DPYSL5: variants seen among roughly 807,000 people sequenced by gnomAD.
DPYSL5 encodes the protein dihydropyrimidinase like 5.
DPYSL5 carries 9 observed loss-of-function variants against 58.4 expected under a neutral mutation model. The ratio of observed to expected loss-of-function variants is 0.15; its 90% CI spans 0.09 to 0.27. The LOEUF is 0.27. Ranked by LOEUF, DPYSL5 falls within the 10% of genes least tolerant of loss-of-function variation. The pLI is 1.00. For missense variants in DPYSL5, 499 were observed against 770.6 expected (o/e 0.65, Z 4.17); for synonymous variants, 293 against 301.9 (o/e 0.97, Z 0.31).
rs576846441 is a variant in DPYSL5, at chr2:26,942,247, C to T, written c.1232+155C>T. On this transcript the variant is annotated intron_variant, in intron 10 of 12. Coordinates refer to ENST00000288699, the MANE Select transcript of DPYSL5 (RefSeq NM_020134.4). The surrounding 1 kb of genome is among the most constrained non-coding windows in gnomAD (Gnocchi z 5.9). ...GCCATCTTCTCCCTCCATCTTCACA[C>T]AGTCTTTCTTCCGTGTCACACATGT... is the stretch of plus-strand genomic sequence containing the variant. 6.0e-4 allele frequency among the ~76,000 whole-genome samples: 91 copies of T among 152,348 alleles called. No homozygotes were observed. Among genetic ancestry groups the T allele is most frequent in the African/African-American group, 2.0e-3 (84 of 41,580 alleles).
chr2:26,881,109 C>T (rs900649004), intron 1 of DPYSL5, among the ~76,000 whole-genome samples: 1 of 152,182 alleles, frequency 6.6e-6, no homozygotes, highest in Admixed American at 6.5e-5. Flanking sequence ...CCTGGGAGGA[C>T]GTGCCCATAG....
In DPYSL5 at chr2:26,949,866, G is replaced by A. The variant is rs1665592678; in HGVS notation, c.*2871G>A. On this transcript the variant is annotated 3_prime_UTR_variant, in exon 13 of 13. Transcript: ENST00000288699. ...CACCAGCCCCACTGGCTCCTGGTTG[G>A]AACGAAAGGGTCTCTGGTTGCACTG... 1 of 152,584 alleles carries A rather than the reference G, an allele frequency of 6.6e-6. No individual in the cohort carries two copies. The highest frequency in any genetic ancestry group is 2.4e-5 in the African/African-American group (1 of 41,460). 9.5% of individuals were successfully genotyped at this position (152,584 alleles called of 1,614,324 possible).
rs115361866 is a variant in DPYSL5, at chr2:26,900,368, C to T, written c.261+1608C>T. Among the ~76,000 whole-genome samples, 1,018 of 152,310 alleles carry T rather than the reference C, an allele frequency of 6.7e-3. 11 individuals carry two copies. Among genetic ancestry groups the T allele is most frequent in the African/African-American group, 0.023 (961 of 41,552 alleles). On this transcript the variant is annotated intron_variant, in intron 2 of 12. Coordinates refer to ENST00000288699, the MANE Select transcript of DPYSL5 (RefSeq NM_020134.4). ...TTTTGTCTATGTAGATGAAATGAAGCAGTATGTACCTTCGCATTGGCTTCT... is the reference window on the plus strand; with the variant it reads ...TTTTGTCTATGTAGATGAAATGAAGTAGTATGTACCTTCGCATTGGCTTCT...
rs77168834 is a variant in DPYSL5, at chr2:26,875,584, G to A, written c.-4-22912G>A. 2.9e-4 allele frequency among the ~76,000 whole-genome samples: 44 copies of A among 152,338 alleles called. 1 individual carries two copies. In the East Asian group the frequency reaches 8.3e-3, roughly 29 times the overall value. ...TCCTGGGCCTGCCCTCAGCAACAGA[G>A]GAGTTGGAGCTTAGAGTCAGGGCTT... On this transcript the variant is annotated intron_variant, in intron 1 of 12. Transcript: ENST00000288699.
At position 26,949,233 on chromosome 2, in the gene DPYSL5, TTC is replaced by T. The variant is rs2148183304; in HGVS notation, c.*2240_*2241del. 1 of 152,330 alleles carries T rather than the reference TTC, an allele frequency of 6.6e-6. No homozygotes were observed. Among genetic ancestry groups the T allele is most frequent in the Admixed American group, 6.5e-5 (1 of 15,310 alleles). 9.4% of individuals were successfully genotyped at this position (152,330 alleles called of 1,614,324 possible). A position where few individuals can be genotyped will look rare whatever the true frequency, so the allele number is the denominator to read the frequency against. ...TTTCTTATAAACAACCTCATGCACA[TTC>T]TGTGTTTGAGCCAAGACTAGTCACC... On this transcript the variant is annotated 3_prime_UTR_variant, in exon 13 of 13. Transcript: ENST00000288699.
intron 9 of DPYSL5, among the ~76,000 whole-genome samples, chr2:26,941,595 C>A (rs1381961563): frequency 6.6e-6 from 1 of 152,180 alleles, no homozygotes; most frequent in Non-Finnish European, 1.5e-5. Context: ...GCATATATAA[C>A]CCTTTGAAAA....
intron 1 of DPYSL5, among the ~76,000 whole-genome samples, chr2:26,881,051 A>G (rs1282037900): frequency 6.6e-6 from 1 of 152,160 alleles, no homozygotes; most frequent in Non-Finnish European, 1.5e-5. Context: ...TCTTGAGATG[A>G]TGTGGTGCTG....
intron 2 of DPYSL5, among the ~76,000 whole-genome samples, chr2:26,922,083 C>T (rs1664719566): frequency 6.6e-6 from 1 of 152,194 alleles, no homozygotes; most frequent in African/African-American, 2.4e-5. Context: ...TGTGTCTACC[C>T]AGACCCCACT....
At chr2:26,864,489 C>A (rs1455811380) in intron 1 of DPYSL5, among the ~76,000 whole-genome samples, 1 of 152,224 alleles carries the variant, frequency 6.6e-6, no homozygotes, top group Non-Finnish European at 1.5e-5. Flanking sequence ...GCATCTGCCA[C>A]TAGCCAGGCA....
chr2:26,915,466 G>T lies in DPYSL5; in HGVS notation c.262-9421G>T, dbSNP rs191515894. On this transcript the variant is annotated intron_variant, in intron 2 of 12. Coordinates refer to ENST00000288699, the MANE Select transcript of DPYSL5 (RefSeq NM_020134.4). ...CCAAACCAAACTCAGCATGCCCTGG[G>T]ACCCCTTCCCATTCTGTGGCTGTGC... 4.9e-4 allele frequency among the ~76,000 whole-genome samples: 75 copies of T among 152,274 alleles called. 1 individual carries two copies. In the East Asian group the frequency reaches 0.012, roughly 24 times the overall value.
At chr2:26,918,097 C>A (rs1464048171) in intron 2 of DPYSL5, among the ~76,000 whole-genome samples, 1 of 136,802 alleles carries the variant, frequency 7.3e-6, no homozygotes, top group Non-Finnish European at 1.5e-5. Context: ...GATCATGCCA[C>A]TGCACTCCAG....
chr2:26,870,035 G>A (rs767996958), intron 1 of DPYSL5, among the ~76,000 whole-genome samples: 23 of 151,990 alleles, frequency 1.5e-4, no homozygotes, highest in Non-Finnish European at 2.9e-4. Context: ...AAAACATAAT[G>A]TATCTTCTTT....
chr2:26,897,068 T>G (rs1225744777), intron 1 of DPYSL5, among the ~76,000 whole-genome samples: 1 of 152,224 alleles, frequency 6.6e-6, no homozygotes, highest in Non-Finnish European at 1.5e-5. Context: ...AGATTTTTTT[T>G]GGTAGGTTTC....
chr2:26,901,967 C>T (rs1330447064), intron 2 of DPYSL5, among the ~76,000 whole-genome samples: 2 of 151,740 alleles, frequency 1.3e-5, no homozygotes, highest in Non-Finnish European at 2.9e-5. Context: ...GAGGCTGTGG[C>T]AGGCTCTGCC....
intron 5 of DPYSL5, among the ~76,000 whole-genome samples, chr2:26,931,197 GTGTGTGTATATATA>G (rs1664973528): frequency 1.7e-4 from 9 of 52,496 alleles, no homozygotes; most frequent in African/African-American, 5.4e-4. Flanking sequence ...GTGTGTGTGT[GTGTGTGTATATATA>G]TATATATATA....
At position 26,925,422 on chromosome 2, in the gene DPYSL5, A is replaced by C. The variant is rs1434103399; in HGVS notation, c.420+377A>C. 6.6e-6 allele frequency among the ~76,000 whole-genome samples: 1 copy of C among 152,092 alleles called. No homozygotes were observed. Among genetic ancestry groups the C allele is most frequent in the East Asian group, 1.9e-4 (1 of 5,182 alleles). On this transcript the variant is annotated intron_variant, in intron 3 of 12. Coordinates refer to ENST00000288699, the MANE Select transcript of DPYSL5 (RefSeq NM_020134.4). The surrounding 1 kb of genome is among the most constrained non-coding windows in gnomAD (Gnocchi z 4.5). ...TCAGGTGCAGAGGGTCATATCCCAT[A>C]TCCTATGTGTACTGAGAGTCCACCA...
intron 1 of DPYSL5, among the ~76,000 whole-genome samples, chr2:26,889,383 C>G (rs1400594250): frequency 6.6e-6 from 1 of 152,058 alleles, no homozygotes; most frequent in Non-Finnish European, 1.5e-5. Flanking sequence ...CATTCTCCTG[C>G]CTCAGCCTCC....
At chr2:26,911,507 C>T (rs1259096511) in intron 2 of DPYSL5, among the ~76,000 whole-genome samples, 1 of 152,186 alleles carries the variant, frequency 6.6e-6, no homozygotes, top group Non-Finnish European at 1.5e-5. Context: ...AGGGAAAAAT[C>T]TATGACATGA....
intron 2 of DPYSL5, among the ~76,000 whole-genome samples, chr2:26,919,288 A>T (rs1185376715): frequency 2.6e-5 from 4 of 152,226 alleles, no homozygotes; most frequent in Non-Finnish European, 5.9e-5. Flanking sequence ...GAGTTCTAGT[A>T]CAGGTTCCTG....
Sources: gnomAD v4.1 joint callset for allele counts (sites outside exome capture counted in the v4.1 genomes callset) on GRCh38, gnomAD v4.1.1 for gene constraint, Gnocchi (gnomAD v3.1) non-coding constraint, MANE v1.5 for transcripts, NCBI Gene and HGNC (gene_info 2026-07-23, HGNC 2026-07-21) for gene names.